The following PCDHGA3 variants were observed in gnomAD, a reference collection of about 807,000 sequenced individuals.
The protein encoded by PCDHGA3 is protocadherin gamma subfamily A, 3.
A neutral mutation model predicts 58.5 loss-of-function variants in PCDHGA3; 40 were observed. The observed-to-expected ratio is 0.68, with a 90% CI of 0.53 to 0.89. The LOEUF (loss-of-function observed/expected upper bound fraction) is 0.89. Ranked by LOEUF, PCDHGA3 falls within the 40% of genes least tolerant of loss-of-function variation. The pLI is 0.00. For synonymous variants in PCDHGA3, 530 were observed against 525.7 expected, an observed-to-expected ratio of 1.01 and a Z score of -0.11; for missense variants, 1,223 against 1,195.9, an observed-to-expected ratio of 1.02 and a Z score of -0.33.
At chr5:141,444,492 T>C (rs1052885639) in intron 1 of PCDHGA3, among the ~76,000 whole-genome samples, 1 of 152,122 alleles carries the variant, frequency 6.6e-6, no homozygotes, top group East Asian at 1.9e-4. Context: ...TTATATTGTG[T>C]AATACTTTGC....
intron 1 of PCDHGA3, chr5:141,375,467 C>A: frequency 6.2e-7 from 1 of 1,614,008 alleles, no homozygotes; most frequent in Non-Finnish European, 8.5e-7. Flanking sequence ...AGTCTATGTC[C>A]TTGAAAACAA....
intron 1 of PCDHGA3, chr5:141,394,860 G>C (rs750446579): frequency 5.0e-6 from 8 of 1,613,674 alleles, no homozygotes; most frequent in Non-Finnish European, 5.9e-6. Flanking sequence ...GCCTTCGGTC[G>C]ACCCGAACGA....
In PCDHGA3 at chr5:141,352,774, G is replaced by C. The variant is rs1208246035; in HGVS notation, c.2424+6317G>C. On this transcript the variant is annotated intron_variant, in intron 1 of 3. Transcript: ENST00000253812. ...CCAGGCTGAGGCAGGTGGATCACTT[G>C]AGGTCAGGAGTTTGAGACCAGCATA... The C allele has an allele frequency of 2.5e-6, 3 of 1,188,930 alleles. No individual in the cohort carries two copies. The African/African-American group carries it at 4.6e-5, about 18-fold the overall frequency. 73.6% of individuals were successfully genotyped at this position (1,188,930 alleles called of 1,614,324 possible). A position where few individuals can be genotyped will look rare whatever the true frequency, so the allele number is the denominator to read the frequency against.
intron 1 of PCDHGA3, chr5:141,420,092 G>A: frequency 1.2e-6 from 2 of 1,614,020 alleles, no homozygotes; most frequent in Non-Finnish European, 1.7e-6. Flanking sequence ...CAACTACAGT[G>A]AGGGAACGTT....
chr5:141,484,024 A>G (rs769415978), intron 1 of PCDHGA3, among the ~76,000 whole-genome samples: 14 of 150,914 alleles, frequency 9.3e-5, no homozygotes, highest in Non-Finnish European at 1.6e-4. Flanking sequence ...GTGGGGTGAG[A>G]TCAAGTCTCC....
chr5:141,366,108 C>A (rs1179892338), intron 1 of PCDHGA3: 1 of 1,614,222 alleles, frequency 6.2e-7, no homozygotes, highest in South Asian at 1.1e-5. Flanking sequence ...AAGGTGGTAG[C>A]GGTGGACAAA....
At position 141,473,299 on chromosome 5, in the gene PCDHGA3, G is replaced by A. The variant is rs182316672; in HGVS notation, c.2425-21508G>A. The stretch of plus-strand genomic sequence containing the variant: ...TATTTTACTATGTCAGTAGCATAAA[G>A]ATTGCTATATTAATAAGCATTAAGT... On this transcript the variant is annotated intron_variant, in intron 1 of 3. Coordinates refer to ENST00000253812, the MANE Select transcript of PCDHGA3 (RefSeq NM_018916.4). 5.6e-4 allele frequency among the ~76,000 whole-genome samples: 86 copies of A among 152,346 alleles called. 1 individual carries two copies. The highest frequency in any genetic ancestry group is 1.9e-3 in the African/African-American group (81 of 41,572).
chr5:141,387,732 C>T (rs940812767), intron 1 of PCDHGA3: 5 of 1,279,332 alleles, frequency 3.9e-6, no homozygotes, highest in Non-Finnish European at 5.3e-6. Context: ...CAGCGCCAGC[C>T]TTTACACCGC....
intron 1 of PCDHGA3, chr5:141,422,819 TGAGA>T (rs766395950): frequency 6.2e-7 from 1 of 1,614,188 alleles, no homozygotes; most frequent in African/African-American, 1.3e-5. Flanking sequence ...GACTTAGAAC[TGAGA>T]GTGATAGCAC....
intron 1 of PCDHGA3, chr5:141,468,632 C>G (rs1385644482): frequency 6.6e-6 from 1 of 151,628 alleles, no homozygotes; most frequent in Non-Finnish European, 1.5e-5. Context: ...TTTGGGAGGC[C>G]GAGGTGGGCG....
At chr5:141,422,318 G>A (rs778935746) in intron 1 of PCDHGA3, 10 of 1,548,110 alleles carry the variant, frequency 6.5e-6, no homozygotes, top group Non-Finnish European at 7.8e-6. Context: ...TCTCCTCCAG[G>A]TACAGTGATT....
At chr5:141,357,143 A>T (rs1650899741) in intron 1 of PCDHGA3, 1 of 1,613,420 alleles carries the variant, frequency 6.2e-7, no homozygotes, top group South Asian at 1.1e-5. Flanking sequence ...GTCGTCCAGG[A>T]CCATGGCCAG....
chr5:141,369,524 C>T (rs1232865331), intron 1 of PCDHGA3, among the ~76,000 whole-genome samples: 1 of 152,138 alleles, frequency 6.6e-6, no homozygotes, highest in Non-Finnish European at 1.5e-5. Context: ...AGTTTTCAAT[C>T]ATACTTATTT....
At position 141,511,005 on chromosome 5, in the gene PCDHGA3, C is replaced by T; in HGVS notation, c.2631C>T (p.Ala877=). ...GGGAGTMGLS[A]RYGPQFTLQH... The stretch of plus-strand genomic sequence containing the variant: ...GTGCCGGCACCATGGGATTGAGCGC[C>T]CGCTACGGACCCCAGTTCACCCTGC... Residue 877 remains alanine, a synonymous_variant, in exon 4 of 4, where the codon GCC becomes GCT. Coordinates refer to ENST00000253812, the MANE Select transcript of PCDHGA3 (RefSeq NM_018916.4). The T allele has an allele frequency of 6.2e-7, 1 of 1,614,176 alleles. No individual in the cohort carries two copies.
chr5:141,349,192 C>T (rs1021415525), intron 1 of PCDHGA3, among the ~76,000 whole-genome samples: 1 of 152,048 alleles, frequency 6.6e-6, no homozygotes, highest in Non-Finnish European at 1.5e-5. Context: ...GCCTCAACCT[C>T]CCGAGTAGCT....
intron 1 of PCDHGA3, among the ~76,000 whole-genome samples, chr5:141,479,135 G>C (rs1236040845): frequency 6.6e-6 from 1 of 152,126 alleles, no homozygotes; most frequent in East Asian, 1.9e-4. Flanking sequence ...TGTGCACCCT[G>C]CTTACAAAAT....
intron 1 of PCDHGA3, chr5:141,419,023 A>C: frequency 6.2e-7 from 1 of 1,613,958 alleles, no homozygotes; most frequent in East Asian, 2.2e-5. Context: ...GCTTAAGTAG[A>C]GGTGTTCCAT....
At chr5:141,414,679 G>A in intron 1 of PCDHGA3, 1 of 1,613,960 alleles carries the variant, frequency 6.2e-7, no homozygotes. Flanking sequence ...CACCATCCAG[G>A]GGGTACCTCT....
chr5:141,343,874 C>T lies in PCDHGA3; in HGVS notation c.-160C>T, dbSNP rs1047507236. 37 of 605,772 alleles carry T rather than the reference C, an allele frequency of 6.1e-5. No individual in the cohort carries two copies. Among genetic ancestry groups the T allele is most frequent in the Admixed American group, 2.4e-4 (7 of 29,376 alleles). The allele number at this position is 605,772 out of a possible 1,614,324, so 37.5% of individuals were successfully genotyped here. ...ATGCAAAGAACCAGCAAATCAGACTCAGAAGATCCGGGGCGGCTGCCAACC... is the reference window on the plus strand; with the variant it reads ...ATGCAAAGAACCAGCAAATCAGACTTAGAAGATCCGGGGCGGCTGCCAACC... On this transcript the variant is annotated 5_prime_UTR_variant, in exon 1 of 4. Coordinates refer to ENST00000253812, the MANE Select transcript of PCDHGA3 (RefSeq NM_018916.4).
Sources: gnomAD v4.1 joint callset for allele counts (sites outside exome capture counted in the v4.1 genomes callset) on GRCh38, gnomAD v4.1.1 for gene constraint, MANE v1.5 for transcripts, NCBI Gene and HGNC (gene_info 2026-07-23, HGNC 2026-07-21) for gene names.